The following ZNF763 variants were observed in gnomAD, a reference collection of about 807,000 sequenced individuals.
ZNF763 encodes zinc finger protein 763.
A neutral mutation model predicts 38.0 loss-of-function variants in ZNF763; 33 were observed. The ratio of observed to expected loss-of-function variants is 0.87; its 90% CI spans 0.66 to 1.16. The LOEUF (loss-of-function observed/expected upper bound fraction) is 1.16. Among genes scored for constraint, ZNF763 ranks in the 50% most tolerant of loss-of-function variants. The pLI is 0.00. For missense variants in ZNF763, 423 were observed against 469.1 expected (o/e 0.90, Z 0.91); for synonymous variants, 155 against 160.1 (o/e 0.97, Z 0.24).
Position 11,979,675 on chromosome 19 carries a change from A to C in ZNF763, c.*566A>C. 6.2e-7 allele frequency: 1 copy of C among 1,601,492 alleles called. No homozygotes were observed. The highest frequency in any genetic ancestry group is 8.5e-7 in the Non-Finnish European group (1 of 1,171,578). ...CCTTCAGATCTGCCTCAATCCTTCA[A>C]ATGCATGCTGGGACTCACCCTGAAG... On this transcript the variant is annotated 3_prime_UTR_variant, in exon 4 of 4. Coordinates refer to ENST00000358987, the MANE Select transcript of ZNF763 (RefSeq NM_001367172.2).
At position 11,979,396 on chromosome 19, in the gene ZNF763, A is replaced by G. The variant is rs1973573191; in HGVS notation, c.*287A>G. On this transcript the variant is annotated 3_prime_UTR_variant, in exon 4 of 4. Coordinates refer to ENST00000358987, the MANE Select transcript of ZNF763 (RefSeq NM_001367172.2). ...GTGGGAAAGCCTTCAGATCTGCCTC[A>G]CACCTTCAAATTCATGAAAGGACAC... is the stretch of plus-strand genomic sequence containing the variant. 1 of 1,609,958 alleles carries G rather than the reference A, an allele frequency of 6.2e-7. No homozygotes were observed. The highest frequency in any genetic ancestry group is 8.5e-7 in the Non-Finnish European group (1 of 1,177,962).
At chr19:11,969,525 C>T (rs982686267) in intron 1 of ZNF763, among the ~76,000 whole-genome samples, 1 of 152,186 alleles carries the variant, frequency 6.6e-6, no homozygotes, top group Non-Finnish European at 1.5e-5. Context: ...TAGTAATTTT[C>T]ACGAGTTGTA....
rs374747208 is a variant in ZNF763, at chr19:11,969,116, T to A, written c.3+3905T>A. Among the ~76,000 whole-genome samples, 303 of 152,284 alleles carry A rather than the reference T, an allele frequency of 2.0e-3. 2 individuals carry two copies. The highest frequency in any genetic ancestry group is 6.8e-3 in the African/African-American group (281 of 41,556). ...TACTTGGTTGTTTTTGCTTGTTTGTTTGTTTTGAGACAGGGTCTCACTCTG... is the reference window on the plus strand; with the variant it reads ...TACTTGGTTGTTTTTGCTTGTTTGTATGTTTTGAGACAGGGTCTCACTCTG... On this transcript the variant is annotated intron_variant, in intron 1 of 3. Transcript: ENST00000358987.
At chr19:11,970,792 A>G (rs9749387) in intron 1 of ZNF763, among the ~76,000 whole-genome samples, 17,234 of 152,174 alleles carry the variant, frequency 0.11, 1,697 homozygotes, top group African/African-American at 0.27. Flanking sequence ...TTAGCTGAGC[A>G]TGGCAGCGCA....
chr19:11,965,148 T>C lies in ZNF763; in HGVS notation c.-61T>C. 2 of 1,612,282 alleles carry C rather than the reference T, an allele frequency of 1.2e-6. No individual in the cohort carries two copies. Among genetic ancestry groups the C allele is most frequent in the Non-Finnish European group, 8.5e-7 (1 of 1,178,522 alleles). Reference sequence around the variant, plus strand: ...GTTTCTATCGCTCTGTCTCCTGCGCTGTGCCCTTCTGTAGTCACAGGAGCT... The same window carrying C: ...GTTTCTATCGCTCTGTCTCCTGCGCCGTGCCCTTCTGTAGTCACAGGAGCT... On this transcript the variant is annotated 5_prime_UTR_variant, in exon 1 of 4. Coordinates refer to ENST00000358987, the MANE Select transcript of ZNF763 (RefSeq NM_001367172.2).
chr19:11,971,935 G>A (rs988185049), intron 1 of ZNF763, among the ~76,000 whole-genome samples: 5 of 151,992 alleles, frequency 3.3e-5, no homozygotes, highest in African/African-American at 1.2e-4. Flanking sequence ...GGTGGCAGAG[G>A]CCTGTAATCC....
intron 1 of ZNF763, among the ~76,000 whole-genome samples, chr19:11,967,458 G>A (rs1270417959): frequency 2.0e-5 from 3 of 151,998 alleles, no homozygotes; most frequent in Admixed American, 1.3e-4. Context: ...AGGCTGGAGT[G>A]CAGTGGCGCG....
intron 1 of ZNF763, among the ~76,000 whole-genome samples, chr19:11,973,904 C>T (rs1423768282): frequency 1.3e-5 from 2 of 152,080 alleles, no homozygotes; most frequent in Non-Finnish European, 2.9e-5. Flanking sequence ...CAGAGCTCCA[C>T]AGACTGTCTT....
intron 1 of ZNF763, among the ~76,000 whole-genome samples, chr19:11,974,110 TTTCTTTCTTTCTTTCTTTTCTTTC>T (rs1269190707): frequency 0.011 from 1,139 of 101,014 alleles, 7 homozygotes; most frequent in Middle Eastern, 0.031. Context: ...TCTTTCTTTC[TTTCTTTCTTTCTTTCTTTTCTTTC>T]TTTCTTTCTT....
intron 2 of ZNF763, 47 bp downstream of exon 2, chr19:11,977,211 T>C (rs1973514346): frequency 1.2e-6 from 2 of 1,610,544 alleles, no homozygotes; most frequent in Admixed American, 1.7e-5. Context: ...TGAACCAGTG[T>C]TTCTAGCTCA....
intron 1 of ZNF763, among the ~76,000 whole-genome samples, chr19:11,966,626 G>A (rs780643851): frequency 2.6e-5 from 4 of 152,016 alleles, no homozygotes; most frequent in Admixed American, 6.6e-5. Flanking sequence ...CACCTGCCTC[G>A]GCCTCCCAGT....
intron 3 of ZNF763, among the ~76,000 whole-genome samples, chr19:11,977,809 G>A (rs1396197158): frequency 1.3e-5 from 2 of 152,216 alleles, no homozygotes. Flanking sequence ...GGTAAGCAAT[G>A]ATGATATCAC....
At chr19:11,975,536 T>C (rs1353726709) in intron 1 of ZNF763, among the ~76,000 whole-genome samples, 1 of 152,116 alleles carries the variant, frequency 6.6e-6, no homozygotes, top group Non-Finnish European at 1.5e-5. Context: ...TAGCTGAGAC[T>C]ACAGGCGCCC....
chr19:11,975,554 C>T (rs781359702), intron 1 of ZNF763, among the ~76,000 whole-genome samples: 3 of 152,052 alleles, frequency 2.0e-5, no homozygotes, highest in African/African-American at 4.8e-5. Flanking sequence ...CCCGCCACCG[C>T]GTCCAGCCAA....
At chr19:11,970,322 C>G (rs1404818739) in intron 1 of ZNF763, among the ~76,000 whole-genome samples, 1 of 152,200 alleles carries the variant, frequency 6.6e-6, no homozygotes, top group Non-Finnish European at 1.5e-5. Flanking sequence ...CAGAATGCAG[C>G]TGAGTAAGTC....
chr19:11,966,651 G>C (rs1427542252), intron 1 of ZNF763, among the ~76,000 whole-genome samples: 5 of 152,192 alleles, frequency 3.3e-5, no homozygotes, highest in African/African-American at 1.2e-4. Flanking sequence ...GGGGATTACA[G>C]ATGTGAGCCA....
At chr19:11,968,709 G>A (rs992145874) in intron 1 of ZNF763, among the ~76,000 whole-genome samples, 1 of 152,108 alleles carries the variant, frequency 6.6e-6, no homozygotes, top group African/African-American at 2.4e-5. Context: ...AGGGAAATTA[G>A]TGTACTATAG....
In ZNF763 at chr19:11,979,313, C is replaced by T; in HGVS notation, c.*204C>T. On this transcript the variant is annotated 3_prime_UTR_variant, in exon 4 of 4. Transcript: ENST00000358987. The stretch of plus-strand genomic sequence containing the variant: ...TGTGGGAAAGCCTTCAGATGTGCCC[C>T]ACACCTTCGAAGGCATGGTAGGACT... The T allele has an allele frequency of 2.5e-6, 4 of 1,608,720 alleles. No individual in the cohort carries two copies. The highest frequency in any genetic ancestry group is 2.2e-5 in the East Asian group (1 of 44,694).
intron 1 of ZNF763, among the ~76,000 whole-genome samples, chr19:11,967,828 C>G (rs1353312572): frequency 2.0e-5 from 3 of 152,206 alleles, no homozygotes; most frequent in Non-Finnish European, 4.4e-5. Flanking sequence ...GGGGTCTTGT[C>G]TATGTAAAGA....
Sources: gnomAD v4.1 joint callset for allele counts (sites outside exome capture counted in the v4.1 genomes callset) on GRCh38, gnomAD v4.1.1 for gene constraint, MANE v1.5 for transcripts, NCBI Gene and HGNC (gene_info 2026-07-23, HGNC 2026-07-21) for gene names.